The following OR1J2 variants were observed in gnomAD, a reference collection of about 807,000 sequenced individuals.
OR1J2 encodes the protein olfactory receptor 1J2.
For synonymous variants in OR1J2, 142 were observed against 99.7 expected (o/e 1.42, Z -2.52); for missense variants, 304 against 246.1 (o/e 1.24, Z -1.57).
At chr9:122,503,246 A>G in the OR1J2 span, among the ~76,000 whole-genome samples, 1 of 152,248 alleles carries the variant, frequency 6.6e-6, no homozygotes, top group Non-Finnish European at 1.5e-5. Flanking sequence ...AAACAAGAGT[A>G]TCTGAAAATC....
At chr9:122,460,269 C>A in the OR1J2 span, among the ~76,000 whole-genome samples, 55 of 151,664 alleles carry the variant, frequency 3.6e-4, no homozygotes, top group African/African-American at 1.3e-3. Context: ...GTCCTTGATT[C>A]ATCTTGAGTT....
the OR1J2 span, among the ~76,000 whole-genome samples, chr9:122,552,749 A>AGTGTGT: frequency 0.068 from 8,753 of 129,422 alleles, 383 homozygotes; most frequent in East Asian, 0.1. Context: ...AGAGGGCTTG[A>AGTGTGT]GTGTGTGTGT....
chr9:122,473,374 A>G, the OR1J2 span, among the ~76,000 whole-genome samples: 3 of 152,176 alleles, frequency 2.0e-5, no homozygotes, highest in South Asian at 2.1e-4. Flanking sequence ...GAGACGTGCA[A>G]TGGATCATCT....
At chr9:122,554,800 A>C in the OR1J2 span, among the ~76,000 whole-genome samples, 1 of 104,660 alleles carries the variant, frequency 9.6e-6, no homozygotes. Context: ...ACTTAAAAGC[A>C]CTCTTCTGTT....
chr9:122,557,077 T>G, the OR1J2 span, among the ~76,000 whole-genome samples: 1 of 152,178 alleles, frequency 6.6e-6, no homozygotes, highest in Non-Finnish European at 1.5e-5. Flanking sequence ...CTTTTGTATA[T>G]TAACCCTGTA....
the OR1J2 span, among the ~76,000 whole-genome samples, chr9:122,562,866 G>T: frequency 6.6e-6 from 1 of 152,010 alleles, no homozygotes; most frequent in East Asian, 1.9e-4. Context: ...TCGTTTTATG[G>T]CTGCATGGTG....
chr9:122,515,935 A>T (rs1442504329), downstream of OR1J2, among the ~76,000 whole-genome samples: 2 of 152,258 alleles, frequency 1.3e-5, no homozygotes, highest in East Asian at 3.9e-4. Flanking sequence ...TGAATATAAG[A>T]CACTGAGTTT....
chr9:122,463,579 CA>C, the OR1J2 span, among the ~76,000 whole-genome samples: 1 of 152,160 alleles, frequency 6.6e-6, no homozygotes, highest in Non-Finnish European at 1.5e-5. Context: ...GTTTGGAACT[CA>C]AGGGCTGCTG....
chr9:122,504,040 A>G, the OR1J2 span, among the ~76,000 whole-genome samples: 1 of 152,198 alleles, frequency 6.6e-6, no homozygotes, highest in South Asian at 2.1e-4. Context: ...ACTTCAATAC[A>G]ACGTAGTTAG....
the OR1J2 span, among the ~76,000 whole-genome samples, chr9:122,534,224 T>A: frequency 6.6e-6 from 1 of 152,088 alleles, no homozygotes; most frequent in African/African-American, 2.4e-5. Context: ...TTGTATACCT[T>A]GAAGGGGAGG....
At chr9:122,537,434 G>A in the OR1J2 span, among the ~76,000 whole-genome samples, 4 of 152,166 alleles carry the variant, frequency 2.6e-5, no homozygotes, top group Admixed American at 6.5e-5. Flanking sequence ...AACAGGTACT[G>A]AGTATAAAAC....
chr9:122,524,091 G>A, the OR1J2 span, among the ~76,000 whole-genome samples: 1 of 152,160 alleles, frequency 6.6e-6, no homozygotes, highest in African/African-American at 2.4e-5. Context: ...TGATGTTTTG[G>A]TCAACAATAG....
At chr9:122,579,775 T>C in the OR1J2 span, among the ~76,000 whole-genome samples, 5 of 152,028 alleles carry the variant, frequency 3.3e-5, no homozygotes, top group South Asian at 2.1e-4. Flanking sequence ...TTGTCATTGA[T>C]GTTTTAAGCA....
At chr9:122,544,135 T>G in the OR1J2 span, among the ~76,000 whole-genome samples, 3 of 152,118 alleles carry the variant, frequency 2.0e-5, no homozygotes, top group Non-Finnish European at 4.4e-5. Flanking sequence ...TATATAAAGT[T>G]GTCAATTAAA....
the OR1J2 span, among the ~76,000 whole-genome samples, chr9:122,555,133 CA>C: frequency 2.6e-5 from 4 of 151,946 alleles, no homozygotes; most frequent in South Asian, 2.1e-4. Context: ...AGGGTTGGCA[CA>C]AAAAAATGTT....
At chr9:122,467,515 C>T in the OR1J2 span, among the ~76,000 whole-genome samples, 7 of 152,180 alleles carry the variant, frequency 4.6e-5, no homozygotes, top group African/African-American at 1.7e-4. Context: ...TAATGTCACT[C>T]ATTTAGTGCT....
the OR1J2 span, among the ~76,000 whole-genome samples, chr9:122,496,129 T>C: frequency 6.6e-6 from 1 of 152,154 alleles, no homozygotes; most frequent in African/African-American, 2.4e-5. Context: ...TCCTTGGTTG[T>C]GTTTTTATTT....
chr9:122,511,768 A>G (rs763962868), downstream of OR1J2: 2 of 778,720 alleles, frequency 2.6e-6, no homozygotes, highest in South Asian at 1.3e-5. Flanking sequence ...AAAAATTAGA[A>G]TCTCATTTTG....
chr9:122,465,972 A>C, the OR1J2 span, among the ~76,000 whole-genome samples: 1 of 152,218 alleles, frequency 6.6e-6, no homozygotes, highest in Non-Finnish European at 1.5e-5. Flanking sequence ...GCTGAACTTT[A>C]AGCCATTGCC....
Sources: allele counts gnomAD v4.1 joint callset (sites outside exome capture counted in the v4.1 genomes callset), GRCh38; gene constraint gnomAD v4.1.1; transcripts MANE v1.5; gene names NCBI Gene and HGNC (gene_info 2026-07-23, HGNC 2026-07-21).